The following EXOC4 variants were observed in gnomAD, a reference collection of about 807,000 sequenced individuals.
EXOC4 encodes exocyst complex component 4.
EXOC4 carries 71 observed loss-of-function variants against 107.2 expected under a neutral mutation model. The observed-to-expected ratio is 0.66, with a 90% CI of 0.55 to 0.81. EXOC4 has a LOEUF of 0.81. Ranked by LOEUF, EXOC4 falls within the 30% of genes least tolerant of loss-of-function variation. The pLI, the probability that EXOC4 is intolerant of heterozygous loss-of-function variation, is 0.00. For missense variants in EXOC4, 1,108 were observed against 1,189.6 expected, an observed-to-expected ratio of 0.93 and a Z score of 1.01; for synonymous variants, 456 against 441.2, an observed-to-expected ratio of 1.03 and a Z score of -0.42.
At chr7:133,997,031 T>C (rs576003687) in intron 14 of EXOC4, among the ~76,000 whole-genome samples, 2 of 152,308 alleles carry the variant, frequency 1.3e-5, no homozygotes, top group Non-Finnish European at 2.9e-5. Context: ...TGTAAGATGG[T>C]CAAATCTTTC....
intron 10 of EXOC4, among the ~76,000 whole-genome samples, chr7:133,641,365 T>C (rs1177207708): frequency 6.6e-6 from 1 of 152,214 alleles, no homozygotes; most frequent in Non-Finnish European, 1.5e-5. Flanking sequence ...ATGTCTACAG[T>C]ACCTTTCATT....
chr7:133,869,574 A>G (rs1308135490), intron 11 of EXOC4, among the ~76,000 whole-genome samples: 3 of 152,206 alleles, frequency 2.0e-5, no homozygotes, highest in Non-Finnish European at 2.9e-5. Flanking sequence ...GTGCTCAAGA[A>G]ATATTCACTA....
intron 10 of EXOC4, among the ~76,000 whole-genome samples, chr7:133,734,204 TAGC>T (rs1795390182): frequency 6.6e-6 from 1 of 152,200 alleles, no homozygotes; most frequent in Non-Finnish European, 1.5e-5. Context: ...CAGCTTCCGT[TAGC>T]AGCCCAGAGT....
chr7:133,901,793 G>A (rs988776324), intron 12 of EXOC4, among the ~76,000 whole-genome samples: 2 of 152,030 alleles, frequency 1.3e-5, no homozygotes, highest in Non-Finnish European at 2.9e-5. Context: ...TGTCTTCCCA[G>A]CCTGATTCTT....
chr7:133,794,311 A>C (rs888311), intron 10 of EXOC4, among the ~76,000 whole-genome samples: 150,262 of 152,258 alleles, frequency 0.99, 74,187 homozygotes, highest in Middle Eastern at 1. Flanking sequence ...TTTACGGTCT[A>C]GATGAGTCAT....
At chr7:133,749,459 C>A (rs1795744677) in intron 10 of EXOC4, among the ~76,000 whole-genome samples, 1 of 152,104 alleles carries the variant, frequency 6.6e-6, no homozygotes, top group Non-Finnish European at 1.5e-5. Context: ...GCAGCATGAT[C>A]TCGGCTCATT....
intron 10 of EXOC4, among the ~76,000 whole-genome samples, chr7:133,792,142 A>G (rs1796715844): frequency 1.3e-5 from 2 of 152,092 alleles, no homozygotes; most frequent in East Asian, 1.9e-4. Context: ...GAGGATCCTG[A>G]TTTGGAGGCT....
chr7:133,574,213 ATG>A (rs1554473531), intron 9 of EXOC4, among the ~76,000 whole-genome samples: 3 of 152,138 alleles, frequency 2.0e-5, no homozygotes, highest in Non-Finnish European at 4.4e-5. Context: ...GTGCACACGT[ATG>A]TGTGTACATG....
chr7:133,306,072 C>T lies in EXOC4; in HGVS notation c.656+11C>T. ...AAAAGGGAAAATCAGGTTAAAGAGG[C>T]TCTTTGCTATAAGTGTCTTGTGGCA... On this transcript the variant is annotated intron_variant, in intron 4 of 17. Coordinates refer to ENST00000253861, the MANE Select transcript of EXOC4 (RefSeq NM_021807.4). 1 of 1,603,670 alleles carries T rather than the reference C, an allele frequency of 6.2e-7. No homozygotes were observed. Among genetic ancestry groups the T allele is most frequent in the Non-Finnish European group, 8.5e-7 (1 of 1,174,254 alleles).
At chr7:134,089,827 C>A in the EXOC4 span, among the ~76,000 whole-genome samples, 1 of 152,100 alleles carries the variant, frequency 6.6e-6, no homozygotes, top group African/African-American at 2.4e-5. Context: ...CTTTGCATAG[C>A]TATGGGGTAT....
At chr7:133,620,852 T>G (rs1177635125) in intron 9 of EXOC4, among the ~76,000 whole-genome samples, 1 of 152,180 alleles carries the variant, frequency 6.6e-6, no homozygotes, top group Non-Finnish European at 1.5e-5. Context: ...ATTACTGCAG[T>G]CTTCCAAAGT....
intron 4 of EXOC4, among the ~76,000 whole-genome samples, chr7:133,311,466 T>C (rs1366848820): frequency 6.6e-6 from 1 of 152,144 alleles, no homozygotes; most frequent in African/African-American, 2.4e-5. Flanking sequence ...ATTTAATATA[T>C]AGTGTTCAGA....
intron 7 of EXOC4, among the ~76,000 whole-genome samples, chr7:133,470,009 G>C (rs970696215): frequency 6.6e-6 from 1 of 152,200 alleles, no homozygotes; most frequent in Admixed American, 6.5e-5. Flanking sequence ...CTGTGGCTGA[G>C]AGGGTGGAAT....
chr7:134,084,846 A>AG, the EXOC4 span, among the ~76,000 whole-genome samples: 3 of 152,182 alleles, frequency 2.0e-5, no homozygotes, highest in African/African-American at 7.2e-5. Context: ...ATGATTCACA[A>AG]GCTGGGCAGC....
chr7:133,866,460 G>A (rs1585209498), intron 11 of EXOC4, among the ~76,000 whole-genome samples: 1 of 152,142 alleles, frequency 6.6e-6, no homozygotes, highest in African/African-American at 2.4e-5. Flanking sequence ...GTGGAATATG[G>A]GGGAGGTAGC....
At chr7:133,765,831 A>G (rs911015442) in intron 10 of EXOC4, among the ~76,000 whole-genome samples, 7 of 151,770 alleles carry the variant, frequency 4.6e-5, no homozygotes, top group Admixed American at 3.9e-4. Flanking sequence ...TTATTTCCCT[A>G]CTCTCTCTTT....
intron 11 of EXOC4, among the ~76,000 whole-genome samples, chr7:133,831,058 G>A (rs537533284): frequency 2.3e-4 from 35 of 152,038 alleles, no homozygotes; most frequent in Non-Finnish European, 4.0e-4. Flanking sequence ...TCCGCCTCCC[G>A]GGTTCAAGCA....
chr7:133,409,547 A>G (rs1797309402), intron 7 of EXOC4, among the ~76,000 whole-genome samples: 1 of 152,128 alleles, frequency 6.6e-6, no homozygotes, highest in Non-Finnish European at 1.5e-5. Context: ...TTTCGCTATT[A>G]CCTTTAGAGA....
intron 7 of EXOC4, among the ~76,000 whole-genome samples, chr7:133,410,689 G>C (rs925334875): frequency 5.9e-5 from 9 of 152,134 alleles, no homozygotes; most frequent in African/African-American, 1.9e-4. Context: ...GAAAGTTATA[G>C]AATATGGAGA....
Sources: gnomAD v4.1 joint callset for allele counts (sites outside exome capture counted in the v4.1 genomes callset) on GRCh38, gnomAD v4.1.1 for gene constraint, MANE v1.5 for transcripts, NCBI Gene and HGNC (gene_info 2026-07-23, HGNC 2026-07-21) for gene names.